DDX4: variants seen among roughly 807,000 people sequenced by gnomAD.
DDX4 encodes probable ATP-dependent RNA helicase DDX4.
Under a neutral mutation model 100.0 loss-of-function variants are expected in DDX4, and 25 were observed. That is an observed-to-expected ratio of 0.25 (90% confidence interval 0.18 to 0.35). DDX4 has a LOEUF of 0.35. Among genes scored for constraint, DDX4 ranks in the 10% least tolerant of loss-of-function variants. DDX4 has a pLI of 1.00. For synonymous variants in DDX4, 259 were observed against 275.7 expected, an observed-to-expected ratio of 0.94 and a Z score of 0.60; for missense variants, 635 against 882.4, an observed-to-expected ratio of 0.72 and a Z score of 3.55.
intron 3 of DDX4, among the ~76,000 whole-genome samples, chr5:55,759,859 A>T (rs774936441): frequency 4.6e-5 from 7 of 152,272 alleles, no homozygotes; most frequent in Non-Finnish European, 8.8e-5. Context: ...TGTTCTGGCT[A>T]TTAGCAAATT....
At chr5:55,744,488 G>GA (rs1759149041) in intron 2 of DDX4, among the ~76,000 whole-genome samples, 1 of 152,140 alleles carries the variant, frequency 6.6e-6, no homozygotes, top group Non-Finnish European at 1.5e-5. Flanking sequence ...GAGTTAGTGA[G>GA]AAAAAAATTA....
chr5:55,807,181 C>T (rs542924117), intron 18 of DDX4, among the ~76,000 whole-genome samples: 50 of 152,216 alleles, frequency 3.3e-4, no homozygotes, highest in African/African-American at 1.1e-3. Flanking sequence ...CTTGGTAGAT[C>T]TTCCTCCATC....
At chr5:55,757,639 C>A (rs1354313770) in intron 3 of DDX4, among the ~76,000 whole-genome samples, 1 of 152,102 alleles carries the variant, frequency 6.6e-6, no homozygotes, top group East Asian at 1.9e-4. Flanking sequence ...AATTGTTACC[C>A]TGTGACTTTA....
At chr5:55,782,331 G>A (rs1741964489) in intron 10 of DDX4, 1 of 201,818 alleles carries the variant, frequency 5.0e-6, no homozygotes, top group Non-Finnish European at 1.0e-5. Context: ...AAGTCCGGGT[G>A]CGGTGGCTCA....
At position 55,760,276 on chromosome 5, in the gene DDX4, A is replaced by G. The variant is rs1046751047; in HGVS notation, c.204A>G (p.Arg68=). ...CCTCTGGGCGGAATTTTGGAAACAGAGGTAAGCATCTTTGTCTTTCCTTAA... is the reference window on the plus strand; with the variant it reads ...CCTCTGGGCGGAATTTTGGAAACAGGGGTAAGCATCTTTGTCTTTCCTTAA... The part of the protein sequence containing the change: ...GFASGRNFGN[R]DAGECNKRDN... The change falls in exon 4 of 22, where the codon AGA becomes AGG. Residue 68 remains arginine, a splice_region_variant and synonymous_variant. Transcript: ENST00000505374. The G allele has an allele frequency of 6.4e-7, 1 of 1,560,998 alleles. No homozygotes were observed. Among genetic ancestry groups the G allele is most frequent in the Non-Finnish European group, 8.6e-7 (1 of 1,160,902 alleles).
intron 18 of DDX4, among the ~76,000 whole-genome samples, chr5:55,800,331 T>G (rs1463215638): frequency 6.6e-6 from 1 of 151,492 alleles, no homozygotes; most frequent in Non-Finnish European, 1.5e-5. Context: ...TAAGTTTTTT[T>G]TTTTTTTTTT....
intron 18 of DDX4, among the ~76,000 whole-genome samples, chr5:55,809,028 C>A (rs1237388444): frequency 6.6e-6 from 1 of 152,234 alleles, no homozygotes. Context: ...GGTGCCCCTC[C>A]CCTAGCTTCG....
Position 55,815,300 on chromosome 5 carries a change from A to AT in DDX4, c.1987-5dup, listed in dbSNP as rs751148030. 14 of 1,603,516 alleles carry AT rather than the reference A, an allele frequency of 8.7e-6. No homozygotes were observed. Among genetic ancestry groups the AT allele is most frequent in the South Asian group, 6.8e-5 (6 of 88,288 alleles). The stretch of plus-strand genomic sequence containing the variant: ...ATACTTTATGTTGCATATGAAGTCA[A>AT]TTTTTTTTAAAGGCTCAACAGGATG... On this transcript the variant is annotated splice_polypyrimidine_tract_variant and intron_variant, in intron 20 of 21. Coordinates refer to ENST00000505374, the MANE Select transcript of DDX4 (RefSeq NM_024415.3).
chr5:55,759,060 A>G (rs1285494024), intron 3 of DDX4, among the ~76,000 whole-genome samples: 1 of 148,526 alleles, frequency 6.7e-6, no homozygotes, highest in African/African-American at 2.5e-5. Flanking sequence ...AGCTACTTAA[A>G]TTTTTTTTTT....
At position 55,746,226 on chromosome 5, in the gene DDX4, G is replaced by C; in HGVS notation, c.127+5G>C. ...GGACTCCAGCTTCATCATCAGGTAT[G>C]TGTTATGGGAAAAAGGTAAAACCCT... On this transcript the variant is annotated splice_donor_5th_base_variant and intron_variant, in intron 3 of 21. Transcript: ENST00000505374. The C allele has an allele frequency of 6.2e-7, 1 of 1,609,474 alleles. No individual in the cohort carries two copies. Among genetic ancestry groups the C allele is most frequent in the East Asian group, 2.2e-5 (1 of 44,724 alleles).
chr5:55,808,623 AGAACAGCAGATATTGGT>A (rs1743908134), intron 18 of DDX4, among the ~76,000 whole-genome samples: 1 of 152,372 alleles, frequency 6.6e-6, no homozygotes, highest in East Asian at 1.9e-4. Context: ...CGGAGGCTGC[AGAACAGCAGATATTGGT>A]GAACAGCAGA....
At chr5:55,798,316 A>G (rs68029425) in intron 17 of DDX4, 110 bp from the exon 18 acceptor site, 46,649 of 1,135,436 alleles carry the variant, frequency 0.041, 1,261 homozygotes, top group African/African-American at 0.11. Context: ...TATAGCTGTT[A>G]TAATCTGCTG....
rs531617098 is a variant in DDX4, at chr5:55,792,817, T to C, written c.1469+10T>C. 4.0e-4 allele frequency: 544 copies of C among 1,369,390 alleles called. 2 individuals are homozygous for C. The highest frequency in any genetic ancestry group is 1.0e-4 in the Non-Finnish European group (110 of 1,053,890). The allele number at this position is 1,369,390 out of a possible 1,614,324, so 84.8% of individuals were successfully genotyped here. On this transcript the variant is annotated intron_variant, in intron 17 of 21. Transcript: ENST00000505374. ...CAGAGGAAATTCAAAGGTTAAGTTT[T>C]TTTCTTAAAAATAATTTAATTATAT...
At chr5:55,805,413 G>A (rs1214348345) in intron 18 of DDX4, among the ~76,000 whole-genome samples, 3 of 150,510 alleles carry the variant, frequency 2.0e-5, no homozygotes, top group Admixed American at 6.6e-5. Flanking sequence ...GTTTTCAAAG[G>A]GAATGCTTCC....
intron 18 of DDX4, among the ~76,000 whole-genome samples, chr5:55,805,445 A>G (rs1743633266): frequency 6.6e-6 from 1 of 151,158 alleles, no homozygotes; most frequent in Admixed American, 6.6e-5. Flanking sequence ...ATTCAGTATG[A>G]TATTGGCTGT....
chr5:55,814,798 C>T, intron 19 of DDX4, 103 bp from the exon 20 acceptor site: 2 of 1,309,960 alleles, frequency 1.5e-6, no homozygotes, highest in Non-Finnish European at 2.1e-6. Context: ...CCAAATGCTG[C>T]TATTCATACT....
At chr5:55,796,257 A>G (rs1223214319) in intron 17 of DDX4, among the ~76,000 whole-genome samples, 2 of 152,242 alleles carry the variant, frequency 1.3e-5, no homozygotes, top group Admixed American at 1.3e-4. Context: ...TAGCACCCTC[A>G]GAGACACATC....
chr5:55,804,460 A>G (rs888505296), intron 18 of DDX4, among the ~76,000 whole-genome samples: 3 of 152,138 alleles, frequency 2.0e-5, no homozygotes, highest in African/African-American at 7.2e-5. Context: ...TTTCTGGTCT[A>G]ACGTTTAAGT....
At chr5:55,756,953 T>C (rs529746547) in intron 3 of DDX4, among the ~76,000 whole-genome samples, 1 of 152,272 alleles carries the variant, frequency 6.6e-6, no homozygotes, top group Non-Finnish European at 1.5e-5. Context: ...TGAAAGTGAA[T>C]GTAAACTTTC....
Sources: allele counts gnomAD v4.1 joint callset (sites outside exome capture counted in the v4.1 genomes callset), GRCh38; gene constraint gnomAD v4.1.1; transcripts MANE v1.5; gene names NCBI Gene and HGNC (gene_info 2026-07-23, HGNC 2026-07-21).